DNER: variants seen among roughly 807,000 people sequenced by gnomAD.
DNER encodes delta/notch like EGF repeat containing.
In DNER, 33 loss-of-function variants were observed where a neutral mutation model predicts 78.2. The observed-to-expected ratio is 0.42, with a 90% CI of 0.32 to 0.56. The LOEUF is 0.56. Among genes scored for constraint, DNER ranks in the 20% least tolerant of loss-of-function variants. The pLI, the probability that DNER is intolerant of heterozygous loss-of-function variation, is 0.11. For synonymous variants in DNER, 417 were observed against 384.8 expected, an observed-to-expected ratio of 1.08 and a Z score of -0.98; for missense variants, 918 against 975.3, an observed-to-expected ratio of 0.94 and a Z score of 0.78.
chr2:229,571,911 C>T (rs774593293), intron 4 of DNER, among the ~76,000 whole-genome samples: 1 of 152,106 alleles, frequency 6.6e-6, no homozygotes, highest in Non-Finnish European at 1.5e-5. Context: ...CCAAAAGCTA[C>T]TCCATAACAC....
At chr2:229,474,135 G>T (rs571385162) in intron 7 of DNER, among the ~76,000 whole-genome samples, 6 of 152,198 alleles carry the variant, frequency 3.9e-5, no homozygotes, top group Non-Finnish European at 7.4e-5. Flanking sequence ...TGTACTCCTG[G>T]CCTGCAGTGA....
intron 11 of DNER, among the ~76,000 whole-genome samples, chr2:229,387,164 C>A (rs568166920): frequency 0.01 from 1,531 of 152,124 alleles, 40 homozygotes; most frequent in Non-Finnish European, 9.3e-3. Flanking sequence ...GGATGAGTTC[C>A]TGTCCTTTGC....
intron 6 of DNER, among the ~76,000 whole-genome samples, chr2:229,496,091 C>G (rs1396572895): frequency 9.2e-5 from 14 of 152,136 alleles, no homozygotes; most frequent in Admixed American, 9.2e-4. Context: ...CTGATATAGC[C>G]TATGTCAGGT....
chr2:229,396,866 G>A (rs1464595917), intron 10 of DNER, among the ~76,000 whole-genome samples: 2 of 152,102 alleles, frequency 1.3e-5, no homozygotes, highest in Admixed American at 1.3e-4. Flanking sequence ...TGAGACTCTG[G>A]TTACCAAGAG....
At chr2:229,669,543 G>A (rs1433001166) in intron 1 of DNER, among the ~76,000 whole-genome samples, 2 of 152,234 alleles carry the variant, frequency 1.3e-5, no homozygotes, top group African/African-American at 4.8e-5. Flanking sequence ...TCCTAACCAT[G>A]AGCATGGAAT....
intron 6 of DNER, among the ~76,000 whole-genome samples, chr2:229,498,166 A>G (rs1233542861): frequency 3.9e-5 from 6 of 152,226 alleles, no homozygotes; most frequent in Non-Finnish European, 8.8e-5. Context: ...AAAAGAATGA[A>G]GGGCAAAAAC....
intron 1 of DNER, among the ~76,000 whole-genome samples, chr2:229,653,186 C>G (rs1698850674): frequency 6.6e-6 from 1 of 152,190 alleles, no homozygotes; most frequent in Non-Finnish European, 1.5e-5. Flanking sequence ...TCCTGGGTTA[C>G]AGATTCGGGG....
Position 229,420,135 on chromosome 2 carries a change from C to G in DNER, c.1487-1905G>C, listed in dbSNP as rs190302114. 1.4e-3 allele frequency among the ~76,000 whole-genome samples: 218 copies of G among 152,100 alleles called. 2 individuals carry two copies. Among genetic ancestry groups the G allele is most frequent in the Non-Finnish European group, 3.1e-4 (21 of 67,996 alleles). On this transcript the variant is annotated intron_variant, in intron 8 of 12. Transcript: ENST00000341772. ...ATAAAGTTTTATTGGGACACAGCCA[C>G]AGTCATGCATTTACATATTGTCTAT...
intron 8 of DNER, among the ~76,000 whole-genome samples, chr2:229,438,550 G>A (rs150092224): frequency 3.9e-5 from 6 of 152,296 alleles, no homozygotes; most frequent in Non-Finnish European, 7.3e-5. Context: ...ATAAGTGTCA[G>A]GTGTTTGGCA....
chr2:229,689,990 G>A (rs1470224437), intron 1 of DNER, among the ~76,000 whole-genome samples: 1 of 152,228 alleles, frequency 6.6e-6, no homozygotes, highest in Non-Finnish European at 1.5e-5. Flanking sequence ...CCTTTGGCAA[G>A]TGTAATTTGA....
intron 12 of DNER, among the ~76,000 whole-genome samples, chr2:229,362,153 G>A (rs903912531): frequency 1.3e-5 from 2 of 152,222 alleles, no homozygotes; most frequent in Non-Finnish European, 2.9e-5. Context: ...GAGGGGTGAT[G>A]CATCCATTGT....
intron 1 of DNER, among the ~76,000 whole-genome samples, chr2:229,665,178 C>T (rs1699068711): frequency 1.3e-5 from 2 of 152,014 alleles, no homozygotes; most frequent in African/African-American, 2.4e-5. Context: ...ACCAAAAAGC[C>T]ATCACAAGAA....
intron 4 of DNER, among the ~76,000 whole-genome samples, chr2:229,569,845 C>A (rs1314462405): frequency 6.6e-6 from 1 of 151,968 alleles, no homozygotes; most frequent in Non-Finnish European, 1.5e-5. Flanking sequence ...TGGATGTGTG[C>A]CTGTATGTAT....
At chr2:229,572,592 G>A (rs1185891138) in intron 4 of DNER, among the ~76,000 whole-genome samples, 2 of 152,146 alleles carry the variant, frequency 1.3e-5, no homozygotes, top group Non-Finnish European at 2.9e-5. Flanking sequence ...TGTGCTAAAG[G>A]AACAGGACAA....
At chr2:229,635,361 G>GAAA (rs58220819) in intron 1 of DNER, among the ~76,000 whole-genome samples, 12,328 of 85,440 alleles carry the variant, frequency 0.14, 1,186 homozygotes, top group African/African-American at 0.24. Context: ...GGTCCCACAG[G>GAAA]AAAAAAAAAA....
intron 11 of DNER, among the ~76,000 whole-genome samples, chr2:229,371,087 C>T (rs372607816): frequency 6.6e-6 from 1 of 152,176 alleles, no homozygotes; most frequent in East Asian, 1.9e-4. Context: ...CTCTGCTTTC[C>T]TCTCTCCCCC....
intron 10 of DNER, among the ~76,000 whole-genome samples, chr2:229,391,266 T>G (rs573798232): frequency 6.6e-6 from 1 of 152,244 alleles, no homozygotes. Flanking sequence ...TCAATCAATA[T>G]TCGTTTTAAC....
rs114456211 is a variant in DNER, at chr2:229,607,101, C to T, written c.277-15213G>A. 7.9e-3 allele frequency among the ~76,000 whole-genome samples: 1,202 copies of T among 152,262 alleles called. 8 individuals are homozygous for T. Among genetic ancestry groups the T allele is most frequent in the Non-Finnish European group, 0.012 (817 of 68,004 alleles). On this transcript the variant is annotated intron_variant, in intron 1 of 12. Coordinates refer to ENST00000341772, the MANE Select transcript of DNER (RefSeq NM_139072.4). ...ATCAGCACTTGGAACTGTGGATAAA[C>T]GGTCAACAAAACCTTTTCCACTCCT...
chr2:229,510,948 A>G (rs1233711825), intron 6 of DNER, among the ~76,000 whole-genome samples: 1 of 152,212 alleles, frequency 6.6e-6, no homozygotes, highest in Non-Finnish European at 1.5e-5. Context: ...ATGTAGAAAA[A>G]TACTTAATCA....
Sources: gnomAD v4.1 joint callset for allele counts (sites outside exome capture counted in the v4.1 genomes callset) on GRCh38, gnomAD v4.1.1 for gene constraint, MANE v1.5 for transcripts, NCBI Gene and HGNC (gene_info 2026-07-23, HGNC 2026-07-21) for gene names.